EIPR1: variants seen among roughly 807,000 people sequenced by gnomAD.
EIPR1 encodes EARP complex and GARP complex interacting protein 1.
A neutral mutation model predicts 48.1 loss-of-function variants in EIPR1; 25 were observed. The observed-to-expected ratio is 0.52, with a 90% confidence interval of 0.38 to 0.73. The LOEUF (loss-of-function observed/expected upper bound fraction) is 0.73, where lower values mean the gene tolerates loss of function less well. Among genes scored for constraint, EIPR1 ranks in the 30% least tolerant of loss-of-function variants. EIPR1 has a pLI of 0.00. For missense variants in EIPR1, 415 were observed against 506.2 expected (o/e 0.82, Z 1.73); for synonymous variants, 204 against 201.9 (o/e 1.01, Z -0.09).
intron 7 of EIPR1, among the ~76,000 whole-genome samples, chr2:3,193,600 A>G (rs1664687405): frequency 6.6e-6 from 1 of 152,188 alleles, no homozygotes; most frequent in African/African-American, 2.4e-5. Context: ...CCACATAGAG[A>G]TGCTCCACAT....
In EIPR1 at chr2:3,215,098, C is replaced by A. The variant is rs1268888163; in HGVS notation, c.417-850G>T. 2.0e-5 allele frequency among the ~76,000 whole-genome samples: 3 copies of A among 152,328 alleles called. No homozygotes were observed. In the South Asian group the frequency reaches 6.2e-4, roughly 32 times the overall value. On this transcript the variant is annotated intron_variant, in intron 4 of 8. Coordinates refer to ENST00000382125, the MANE Select transcript of EIPR1 (RefSeq NM_003310.5). Reference sequence around the variant, plus strand: ...AACACATTTTCATGTTGACGCCGCCCAGCGTGTGGCGCTTTTTATGGCAGC... The same window carrying A: ...AACACATTTTCATGTTGACGCCGCCAAGCGTGTGGCGCTTTTTATGGCAGC...
rs1208920536 is a variant in EIPR1 at position 3,189,218 on chromosome 2, C to T, written c.*116G>A. ...TGCTGCTACAGGAAGGGAACAGCGG[C>T]TCTCCCAGAGAGGGATCCACCTGGA... On this transcript the variant is annotated 3_prime_UTR_variant, in exon 9 of 9. Coordinates refer to ENST00000382125, the MANE Select transcript of EIPR1 (RefSeq NM_003310.5). This position sits in a 1 kb window ranked among gnomAD's most constrained non-coding sequence, Gnocchi z 4.6. 2 of 1,123,242 alleles carry T rather than the reference C, an allele frequency of 1.8e-6. No homozygotes were observed. The highest frequency in any genetic ancestry group is 3.1e-5 in the African/African-American group (2 of 63,678). The allele number at this position is 1,123,242 out of a possible 1,614,324, so 69.6% of individuals were successfully genotyped here. A position where few individuals can be genotyped will look rare whatever the true frequency, so the allele number is the denominator to read the frequency against.
At chr2:3,339,610 C>T (rs1670169378) in intron 2 of EIPR1, among the ~76,000 whole-genome samples, 1 of 152,148 alleles carries the variant, frequency 6.6e-6, no homozygotes, top group African/African-American at 2.4e-5. Context: ...CCACCTGGTG[C>T]CATCCTCACG....
chr2:3,312,642 G>A lies in EIPR1; in HGVS notation c.259+25375C>T, dbSNP rs923144845. 6.6e-6 allele frequency among the ~76,000 whole-genome samples: 1 copy of A among 152,172 alleles called. No homozygotes were observed. Among genetic ancestry groups the A allele is most frequent in the Admixed American group, 6.5e-5 (1 of 15,284 alleles). On this transcript the variant is annotated intron_variant, in intron 3 of 8. Coordinates refer to ENST00000382125, the MANE Select transcript of EIPR1 (RefSeq NM_003310.5). This position sits in a 1 kb window ranked among gnomAD's most constrained non-coding sequence, Gnocchi z 5.5. Reference sequence around the variant, plus strand: ...AAGCTTTGCAGGGAGAAGGACCCACGATGCCACTGCCTCTGTGCTCAGGGG... The same window carrying A: ...AAGCTTTGCAGGGAGAAGGACCCACAATGCCACTGCCTCTGTGCTCAGGGG...
chr2:3,371,214 GC>G (rs1238920947), intron 1 of EIPR1, among the ~76,000 whole-genome samples: 4 of 152,156 alleles, frequency 2.6e-5, no homozygotes, highest in African/African-American at 9.7e-5. Flanking sequence ...CACCAGGCCT[GC>G]CCTAAAAGAG....
chr2:3,296,691 T>C (rs1033816836), intron 3 of EIPR1, among the ~76,000 whole-genome samples: 2 of 145,774 alleles, frequency 1.4e-5, no homozygotes, highest in African/African-American at 5.2e-5. Flanking sequence ...GCCCGTCCTC[T>C]CTCTGCCTAC....
intron 3 of EIPR1, among the ~76,000 whole-genome samples, chr2:3,309,043 A>G (rs1171402088): frequency 6.6e-6 from 1 of 152,252 alleles, no homozygotes; most frequent in Non-Finnish European, 1.5e-5. Flanking sequence ...AGAACTTCTG[A>G]AAGAAAAGAA....
At chr2:3,335,870 G>A (rs571918541) in intron 3 of EIPR1, among the ~76,000 whole-genome samples, 6 of 152,282 alleles carry the variant, frequency 3.9e-5, no homozygotes, top group South Asian at 2.1e-4. Context: ...TGTTAAGCCC[G>A]CAGAACTGTG....
intron 4 of EIPR1, among the ~76,000 whole-genome samples, chr2:3,226,082 A>C (rs1254111397): frequency 6.6e-6 from 1 of 152,242 alleles, no homozygotes; most frequent in Non-Finnish European, 1.5e-5. Flanking sequence ...GCTACTGTGA[A>C]TAAAGCTGCC....
intron 3 of EIPR1, among the ~76,000 whole-genome samples, chr2:3,304,878 T>C (rs1668877194): frequency 6.9e-6 from 1 of 145,402 alleles, no homozygotes. Context: ...AGTTCAGCCC[T>C]CCATTCCCGT....
At chr2:3,216,543 G>C (rs1665645037) in intron 4 of EIPR1, among the ~76,000 whole-genome samples, 1 of 152,146 alleles carries the variant, frequency 6.6e-6, no homozygotes, top group Non-Finnish European at 1.5e-5. Flanking sequence ...TGATGTCAAA[G>C]ACTACCTAAT....
intron 2 of EIPR1, among the ~76,000 whole-genome samples, chr2:3,346,248 C>T (rs1391930449): frequency 6.6e-6 from 1 of 152,206 alleles, no homozygotes; most frequent in East Asian, 1.9e-4. Context: ...TGGGTTTTGA[C>T]CCAATGCTCG....
intron 4 of EIPR1, chr2:3,214,526 T>A (rs545234537): frequency 3.4e-6 from 1 of 291,908 alleles, no homozygotes; most frequent in African/African-American, 2.2e-5. Flanking sequence ...ACACAGGGGC[T>A]ATGTCCTCAC....
intron 4 of EIPR1, among the ~76,000 whole-genome samples, chr2:3,217,600 T>C (rs529194841): frequency 6.6e-6 from 1 of 152,296 alleles, no homozygotes; most frequent in African/African-American, 2.4e-5. Context: ...GTAAAGGCAC[T>C]GTAGAAAGAG....
rs578157980 is a variant in EIPR1, at chr2:3,235,445, C to T, written c.417-21197G>A. Among the ~76,000 whole-genome samples, 12 of 27,432 alleles carry T rather than the reference C, an allele frequency of 4.4e-4. No homozygotes were observed. The South Asian group carries it at 0.013, about 30-fold the overall frequency. 18.0% of individuals were successfully genotyped at this position (27,432 alleles called of 152,430 possible). A position where few individuals can be genotyped will look rare whatever the true frequency, so the allele number is the denominator to read the frequency against. ...GCGCACACACACACACACACGCGTGCGCGCACACACACACACACCCCCCAA... is the reference window on the plus strand; with the variant it reads ...GCGCACACACACACACACACGCGTGTGCGCACACACACACACACCCCCCAA... On this transcript the variant is annotated intron_variant, in intron 4 of 8. Coordinates refer to ENST00000382125, the MANE Select transcript of EIPR1 (RefSeq NM_003310.5).
At chr2:3,202,113 ATT>A (rs1228370236) in intron 5 of EIPR1, among the ~76,000 whole-genome samples, 4 of 151,814 alleles carry the variant, frequency 2.6e-5, no homozygotes, top group Non-Finnish European at 4.4e-5. Flanking sequence ...AATTTTTTGT[ATT>A]TTTAGTAGAG....
In EIPR1 at chr2:3,293,152, C is replaced by CT. The variant is rs1668420473; in HGVS notation, c.260-35698dup. Among the ~76,000 whole-genome samples the CT allele has an allele frequency of 2.0e-5, 3 of 152,208 alleles. No homozygotes were observed. The South Asian group carries it at 6.2e-4, about 32-fold the overall frequency. ...AAACTATCACCCTACAATCTATAGC[C>CT]TGGTGGCATGGCTTGCTCGGTGAGT... On this transcript the variant is annotated intron_variant, in intron 3 of 8. Coordinates refer to ENST00000382125, the MANE Select transcript of EIPR1 (RefSeq NM_003310.5).
At chr2:3,309,672 G>T (rs576703727) in intron 3 of EIPR1, among the ~76,000 whole-genome samples, 5 of 152,142 alleles carry the variant, frequency 3.3e-5, no homozygotes, top group Non-Finnish European at 7.4e-5. Context: ...GGCGAGGGAG[G>T]TGGGAGTGGA....
chr2:3,335,042 T>C (rs987826679), intron 3 of EIPR1, among the ~76,000 whole-genome samples: 3 of 152,174 alleles, frequency 2.0e-5, no homozygotes, highest in Admixed American at 2.0e-4. Flanking sequence ...AAAGCCCACT[T>C]ACAGCTGGGA....
Sources: gnomAD v4.1 joint callset for allele counts (sites outside exome capture counted in the v4.1 genomes callset) on GRCh38, gnomAD v4.1.1 for gene constraint, Gnocchi (gnomAD v3.1) non-coding constraint, MANE v1.5 for transcripts, NCBI Gene and HGNC (gene_info 2026-07-23, HGNC 2026-07-21) for gene names.